Variants in MYT1L observed in about 807,000 individuals in gnomAD.
MYT1L encodes the protein myelin transcription factor 1-like protein.
In MYT1L, 12 loss-of-function variants were observed where a neutral mutation model predicts 126.7. That is an observed-to-expected ratio of 0.09 (90% CI 0.06 to 0.15). MYT1L has a LOEUF of 0.15. MYT1L is among the 10% of genes least tolerant of loss of function. The pLI is 1.00. For missense variants in MYT1L, 979 were observed against 1,585.2 expected (o/e 0.62, Z 6.49); for synonymous variants, 541 against 604.2 (o/e 0.90, Z 1.53).
At chr2:2,217,370 G>A (rs541881903) in intron 2 of MYT1L, among the ~76,000 whole-genome samples, 1 of 152,206 alleles carries the variant, frequency 6.6e-6, no homozygotes, top group East Asian at 1.9e-4. Context: ...AATGTAACTT[G>A]TGACAAATAA....
intron 5 of MYT1L, among the ~76,000 whole-genome samples, chr2:1,988,094 C>A (rs1179469483): frequency 6.6e-6 from 1 of 152,176 alleles, no homozygotes; most frequent in South Asian, 2.1e-4. Context: ...TCTTCATGTG[C>A]TTGTGAGACC....
At chr2:1,797,484 T>C (rs1278802833) in intron 23 of MYT1L, among the ~76,000 whole-genome samples, 1 of 152,148 alleles carries the variant, frequency 6.6e-6, no homozygotes, top group African/African-American at 2.4e-5. Context: ...CCTCCCAAAG[T>C]GCTGGGATTA....
intron 13 of MYT1L, 76 bp from the exon 14 acceptor site, chr2:1,903,370 A>T: frequency 8.6e-7 from 1 of 1,169,366 alleles, no homozygotes; most frequent in Non-Finnish European, 1.2e-6. Flanking sequence ...CATTAAAACT[A>T]GAATATCTTA....
intron 18 of MYT1L, among the ~76,000 whole-genome samples, chr2:1,882,265 CG>C (rs575659847): frequency 3.7e-4 from 57 of 152,242 alleles, no homozygotes; most frequent in African/African-American, 1.2e-3. Context: ...ACGCTATGCA[CG>C]GGAGTGACCC....
At chr2:1,881,340 G>T (rs1218997268) in intron 18 of MYT1L, among the ~76,000 whole-genome samples, 1 of 148,780 alleles carries the variant, frequency 6.7e-6, no homozygotes, top group Non-Finnish European at 1.5e-5. Context: ...GTGGTTTATT[G>T]TTGGTTTGCA....
At chr2:1,958,284 G>C (rs944881307) in intron 8 of MYT1L, among the ~76,000 whole-genome samples, 1 of 151,600 alleles carries the variant, frequency 6.6e-6, no homozygotes, top group Non-Finnish European at 1.5e-5. Context: ...CCAGAGAGCC[G>C]GAGGATGAGG....
intron 21 of MYT1L, among the ~76,000 whole-genome samples, chr2:1,823,103 T>C (rs1330308834): frequency 6.6e-6 from 1 of 152,196 alleles, no homozygotes; most frequent in Non-Finnish European, 1.5e-5. Flanking sequence ...ATGTGAGCTT[T>C]TGCCCTAAGC....
intron 4 of MYT1L, among the ~76,000 whole-genome samples, chr2:2,002,594 G>T (rs547533905): frequency 2.0e-5 from 3 of 152,316 alleles, no homozygotes; most frequent in South Asian, 4.1e-4. Flanking sequence ...CTGCAAAAGG[G>T]TGTAATCATT....
At chr2:2,099,468 C>T (rs753979208) in intron 3 of MYT1L, among the ~76,000 whole-genome samples, 2 of 151,922 alleles carry the variant, frequency 1.3e-5, no homozygotes, top group Non-Finnish European at 2.9e-5. Flanking sequence ...CCTTAAGAGA[C>T]ACAGCACAGA....
chr2:1,789,804 C>G lies in MYT1L; in HGVS notation c.*2063G>C, dbSNP rs1022211590. The G allele has an allele frequency of 6.6e-6, 1 of 152,150 alleles. No individual in the cohort carries two copies. 9.4% of individuals were successfully genotyped at this position (152,150 alleles called of 1,614,324 possible). On this transcript the variant is annotated 3_prime_UTR_variant, in exon 25 of 25. Coordinates refer to ENST00000647738, the MANE Select transcript of MYT1L (RefSeq NM_001303052.2). ...CGCATTCTGAGCATGGCAGCTGCAACCAATAGCACAACAGAAAGGGGGCGC... is the reference window on the plus strand; with the variant it reads ...CGCATTCTGAGCATGGCAGCTGCAAGCAATAGCACAACAGAAAGGGGGCGC...
chr2:2,194,458 G>C (rs1006922354), intron 2 of MYT1L, among the ~76,000 whole-genome samples: 4 of 152,154 alleles, frequency 2.6e-5, no homozygotes, highest in African/African-American at 7.2e-5. Context: ...AAAATGTATA[G>C]CTATATTCCT....
chr2:2,175,729 T>G (rs1045091399), intron 2 of MYT1L, among the ~76,000 whole-genome samples: 1 of 152,202 alleles, frequency 6.6e-6, no homozygotes, highest in Non-Finnish European at 1.5e-5. Flanking sequence ...GCTTTAAGGT[T>G]TTCTGTGTCC....
At chr2:1,847,428 C>T (rs990373977) in intron 19 of MYT1L, among the ~76,000 whole-genome samples, 3 of 152,082 alleles carry the variant, frequency 2.0e-5, no homozygotes, top group African/African-American at 7.2e-5. Context: ...ACTCCAGGGC[C>T]CTTGGAGCTC....
intron 2 of MYT1L, among the ~76,000 whole-genome samples, chr2:2,187,929 C>T (rs979024160): frequency 6.6e-6 from 1 of 152,096 alleles, no homozygotes; most frequent in African/African-American, 2.4e-5. Context: ...ATATAATAAA[C>T]ATGTATGCAT....
Position 1,886,592 on chromosome 2 carries a change from G to C in MYT1L, c.2658C>G (p.Pro886=). The C allele has an allele frequency of 6.3e-7, 1 of 1,581,756 alleles. No individual in the cohort carries two copies. Among genetic ancestry groups the C allele is most frequent in the Non-Finnish European group, 8.6e-7 (1 of 1,164,562 alleles). ...KKDLITLSGC[P]LADKSIRSML... ...TACTTCGAATGCTTTTGTCCGCCAGGGGGCAGCCAGACAGACTGTAAGACA... is the reference window on the plus strand; with the variant it reads ...TACTTCGAATGCTTTTGTCCGCCAGCGGGCAGCCAGACAGACTGTAAGACA... The change falls in exon 18 of 25, where the codon CCC becomes CCG. Residue 886 remains proline (P), a synonymous_variant. Transcript: ENST00000647738.
At position 2,170,966 on chromosome 2, in the gene MYT1L, G is replaced by A. The variant is rs1366425790; in HGVS notation, c.-304+1906C>T. Among the ~76,000 whole-genome samples the A allele has an allele frequency of 6.6e-5, 10 of 152,318 alleles. 1 individual carries two copies. The highest frequency in any genetic ancestry group is 1.3e-4 in the Admixed American group (2 of 15,290). ...CGTGAAATGCAAGCACTGGTTGTGC[G>A]TCTTGCTCTTATTATTATCTAATTG... is the stretch of plus-strand genomic sequence containing the variant. On this transcript the variant is annotated intron_variant, in intron 3 of 24. Transcript: ENST00000647738.
intron 5 of MYT1L, among the ~76,000 whole-genome samples, chr2:1,988,082 T>C (rs2061183941): frequency 6.6e-6 from 1 of 152,186 alleles, no homozygotes; most frequent in Non-Finnish European, 1.5e-5. Flanking sequence ...ACTCTGGTCT[T>C]ATCTTCATGT....
intron 3 of MYT1L, among the ~76,000 whole-genome samples, chr2:2,069,687 A>G (rs2074350704): frequency 1.3e-5 from 2 of 152,010 alleles, no homozygotes; most frequent in African/African-American, 4.8e-5. Flanking sequence ...CACTCCCATC[A>G]ACAGTGTAAA....
chr2:1,966,974 T>A (rs1262074351), intron 8 of MYT1L, among the ~76,000 whole-genome samples: 3 of 152,178 alleles, frequency 2.0e-5, no homozygotes, highest in Non-Finnish European at 4.4e-5. Context: ...GTGTTGATAC[T>A]GGGAAGCAAC....
Sources: allele counts gnomAD v4.1 joint callset (sites outside exome capture counted in the v4.1 genomes callset), GRCh38; gene constraint gnomAD v4.1.1; transcripts MANE v1.5; gene names NCBI Gene and HGNC (gene_info 2026-07-23, HGNC 2026-07-21).